The following GOLGA5 variants were observed in gnomAD, a reference collection of about 807,000 sequenced individuals.
The protein encoded by GOLGA5 is golgin A5.
Under a neutral mutation model 93.5 loss-of-function variants are expected in GOLGA5, and 50 were observed. That is an observed-to-expected ratio of 0.53 (90% CI 0.43 to 0.68). The LOEUF (loss-of-function observed/expected upper bound fraction) is 0.68, where lower values mean the gene tolerates loss of function less well. GOLGA5 is among the 30% of genes least tolerant of loss of function. The probability of loss-of-function intolerance (pLI) is 0.00; values close to 1 mark genes in which losing one functional copy is unlikely to be tolerated. For synonymous variants in GOLGA5, 312 were observed against 304.5 expected, an observed-to-expected ratio of 1.02 and a Z score of -0.26; for missense variants, 760 against 856.4, an observed-to-expected ratio of 0.89 and a Z score of 1.40.
chr14:92,835,774 A>G, intron 11 of GOLGA5, 110 bp downstream of exon 11: 1 of 568,156 alleles, frequency 1.8e-6, no homozygotes, highest in East Asian at 2.8e-5. Context: ...AAAGTGACTT[A>G]CTCCTTTCAA....
At chr14:92,828,078 C>G (rs1046275507) in intron 9 of GOLGA5, among the ~76,000 whole-genome samples, 5 of 152,224 alleles carry the variant, frequency 3.3e-5, no homozygotes, top group Admixed American at 6.5e-5. Flanking sequence ...TCTGGGAGAT[C>G]TAGCTAAGAT....
rs1302004346 is a variant in GOLGA5 at position 92,797,987 on chromosome 14, TA to T, written c.544+8del. The T allele has an allele frequency of 3.9e-6, 6 of 1,545,990 alleles. No homozygotes were observed. The highest frequency in any genetic ancestry group is 2.0e-5 in the Admixed American group (1 of 48,888). ...TTTTGGGAGCCAAACCCACGGTAGT[TA>T]ATCAGTCCTCTTATTTCTTTTAGAG... On this transcript the variant is annotated splice_region_variant and intron_variant, in intron 2 of 12. Transcript: ENST00000163416.
rs752306150 is a variant in GOLGA5, at chr14:92,809,377, C to T, written c.850C>T (p.Arg284Ter). ...GAGTGATCGAATGACTCGAGGACTCCGAGCCCAAGTAGATGACCTGACTGA... is the reference window on the plus strand; with the variant it reads ...GAGTGATCGAATGACTCGAGGACTCTGAGCCCAAGTAGATGACCTGACTGA... ...SKSDRMTRGL[R>*]AQVDDLTEAV... The change falls in exon 4 of 13, where the codon CGA (arginine) becomes TGA (stop). Residue 284 changes from arginine (R) to a stop codon, truncating the protein, a stop_gained. Coordinates refer to ENST00000163416, the MANE Select transcript of GOLGA5 (RefSeq NM_005113.4). LOFTEE classifies it high-confidence loss of function. 5 of 1,613,206 alleles carry T rather than the reference C, an allele frequency of 3.1e-6. No homozygotes were observed. Among genetic ancestry groups the T allele is most frequent in the Non-Finnish European group, 3.4e-6 (4 of 1,179,298 alleles).
chr14:92,838,790 G>A (rs1389474748), intron 12 of GOLGA5, among the ~76,000 whole-genome samples: 3 of 152,076 alleles, frequency 2.0e-5, no homozygotes, highest in East Asian at 1.9e-4. Flanking sequence ...TGAGTAACAC[G>A]GGCACTGTCA....
chr14:92,825,267 G>A (rs1267914973), intron 9 of GOLGA5, among the ~76,000 whole-genome samples: 3 of 152,116 alleles, frequency 2.0e-5, no homozygotes, highest in Admixed American at 2.0e-4. Flanking sequence ...GGCTTAGTTT[G>A]AACTATGAAA....
At chr14:92,810,457 C>T in intron 5 of GOLGA5, 80 bp downstream of exon 5, 1 of 1,085,162 alleles carries the variant, frequency 9.2e-7, no homozygotes, top group Non-Finnish European at 1.3e-6. Context: ...AGCACATTAA[C>T]TGTCTAATAT....
rs1001027637 is a variant in GOLGA5, at chr14:92,819,752, A to G, written c.1536A>G (p.Glu512=). Residue 512 remains glutamate, a synonymous_variant, in exon 8 of 13, where the codon GAA becomes GAG. Coordinates refer to ENST00000163416, the MANE Select transcript of GOLGA5 (RefSeq NM_005113.4). ...TTAATGAAGCAGAATCAGCAAGAGA[A>G]CAGTTACAGGATCTGCATGACCAAA... ...QQVNEAESAR[E]QLQDLHDQIA... is the part of the protein sequence containing the mutation. The G allele has an allele frequency of 2.5e-6, 4 of 1,613,580 alleles. No individual in the cohort carries two copies. The highest frequency in any genetic ancestry group is 2.7e-5 in the African/African-American group (2 of 74,934).
At chr14:92,818,060 A>G (rs1885245434) in intron 7 of GOLGA5, among the ~76,000 whole-genome samples, 1 of 152,162 alleles carries the variant, frequency 6.6e-6, no homozygotes, top group Non-Finnish European at 1.5e-5. Context: ...CAGTCCTGCA[A>G]ACTTAGAAAT....
chr14:92,812,100 C>T (rs1885115362), intron 6 of GOLGA5, among the ~76,000 whole-genome samples: 1 of 152,212 alleles, frequency 6.6e-6, no homozygotes, highest in African/African-American at 2.4e-5. Context: ...TCATCCAGTT[C>T]TCAGAATTGT....
At chr14:92,815,415 T>C (rs1885181831) in intron 6 of GOLGA5, among the ~76,000 whole-genome samples, 1 of 152,230 alleles carries the variant, frequency 6.6e-6, no homozygotes, top group Non-Finnish European at 1.5e-5. Context: ...ACTTCTCTTT[T>C]AGTTTGTAAG....
chr14:92,807,340 T>G (rs1885011026), intron 3 of GOLGA5, among the ~76,000 whole-genome samples: 1 of 151,836 alleles, frequency 6.6e-6, no homozygotes, highest in South Asian at 2.1e-4. Context: ...ATAATAAACT[T>G]AAAAACTTTA....
At chr14:92,805,879 T>G (rs940530585) in intron 2 of GOLGA5, among the ~76,000 whole-genome samples, 3 of 151,866 alleles carry the variant, frequency 2.0e-5, no homozygotes, top group Admixed American at 6.6e-5. Flanking sequence ...TAGAGTAATT[T>G]AAAAGTATAC....
At chr14:92,819,426 T>C (rs1169833572) in intron 7 of GOLGA5, among the ~76,000 whole-genome samples, 1 of 151,472 alleles carries the variant, frequency 6.6e-6, no homozygotes, top group Non-Finnish European at 1.5e-5. Flanking sequence ...GCCAGGACTT[T>C]GCAACCAGCC....
chr14:92,837,139 C>A (rs1331796178), intron 11 of GOLGA5, among the ~76,000 whole-genome samples: 3 of 151,912 alleles, frequency 2.0e-5, no homozygotes, highest in African/African-American at 7.3e-5. Context: ...AGAGAAATAC[C>A]TGTGCTGAAG....
intron 9 of GOLGA5, 114 bp downstream of exon 9, chr14:92,824,758 G>A (rs1885382967): frequency 1.6e-6 from 1 of 608,058 alleles, no homozygotes; most frequent in Non-Finnish European, 2.9e-6. Context: ...TTTTGTAACA[G>A]TGGTGACAAA....
At chr14:92,811,482 A>G (rs1885100496) in intron 5 of GOLGA5, 69 bp from the exon 6 acceptor site, 2 of 1,070,132 alleles carry the variant, frequency 1.9e-6, no homozygotes, top group Admixed American at 3.6e-5. Flanking sequence ...AGATATCCGA[A>G]TGGATGGTTG....
At chr14:92,827,463 G>A (rs1377915234) in intron 9 of GOLGA5, among the ~76,000 whole-genome samples, 2 of 152,196 alleles carry the variant, frequency 1.3e-5, no homozygotes, top group African/African-American at 4.8e-5. Flanking sequence ...ATCCATAAAT[G>A]TGTGTGTTCT....
rs1204979063 is a variant in GOLGA5 at position 92,809,385 on chromosome 14, A to G, written c.858A>G (p.Gln286=). ...GAATGACTCGAGGACTCCGAGCCCAAGTAGATGACCTGACTGAAGCTGTGG... is the reference window on the plus strand; with the variant it reads ...GAATGACTCGAGGACTCCGAGCCCAGGTAGATGACCTGACTGAAGCTGTGG... The part of the protein sequence containing the change: ...SDRMTRGLRA[Q]VDDLTEAVAA... The change falls in exon 4 of 13, where the codon CAA becomes CAG. Residue 286 remains glutamine (Q), a synonymous_variant. Coordinates refer to ENST00000163416, the MANE Select transcript of GOLGA5 (RefSeq NM_005113.4). The G allele has an allele frequency of 1.2e-6, 2 of 1,613,646 alleles. No homozygotes were observed. Among genetic ancestry groups the G allele is most frequent in the South Asian group, 2.2e-5 (2 of 91,078 alleles).
chr14:92,832,350 G>A (rs1364001172), intron 9 of GOLGA5, among the ~76,000 whole-genome samples: 1 of 152,194 alleles, frequency 6.6e-6, no homozygotes, highest in Non-Finnish European at 1.5e-5. Flanking sequence ...AGAAAGGCAG[G>A]TGGAGCCTAG....
Sources: allele counts gnomAD v4.1 joint callset (sites outside exome capture counted in the v4.1 genomes callset), GRCh38; gene constraint gnomAD v4.1.1; transcripts MANE v1.5; gene names NCBI Gene and HGNC (gene_info 2026-07-23, HGNC 2026-07-21).